The following HCN1 variants were observed in gnomAD, a reference collection of about 807,000 sequenced individuals.
HCN1 encodes potassium/sodium hyperpolarization-activated cyclic nucleotide-gated channel 1.
In HCN1, 13 loss-of-function variants were observed where a neutral mutation model predicts 78.9. The observed-to-expected ratio is 0.16, with a 90% CI of 0.11 to 0.26. HCN1 has a LOEUF of 0.26. Among genes scored for constraint, HCN1 ranks in the 10% least tolerant of loss-of-function variants. The probability of loss-of-function intolerance (pLI) is 1.00; values close to 1 mark genes in which losing one functional copy is unlikely to be tolerated. For missense variants in HCN1, 810 were observed against 1,154.3 expected (o/e 0.70, Z 4.32); for synonymous variants, 552 against 455.5 (o/e 1.21, Z -2.70).
intron 2 of HCN1, among the ~76,000 whole-genome samples, chr5:45,597,326 T>A (rs189809915): frequency 4.6e-5 from 7 of 152,262 alleles, no homozygotes; most frequent in Non-Finnish European, 8.8e-5. Context: ...AACACATGAT[T>A]ATCTCAATAG....
Position 45,288,963 on chromosome 5 carries a change from G to A in HCN1, c.1618+14636C>T, listed in dbSNP as rs75441299. ...AACCAGCCATCTGTCCACCAGCAAT[G>A]AAGCACACAAAGTAACCGCAGGACA... is the stretch of plus-strand genomic sequence containing the variant. On this transcript the variant is annotated intron_variant, in intron 6 of 7. Transcript: ENST00000303230. 4.8e-3 allele frequency among the ~76,000 whole-genome samples: 725 copies of A among 152,122 alleles called. 3 individuals carry two copies. Among genetic ancestry groups the A allele is most frequent in the African/African-American group, 0.017 (694 of 41,512 alleles).
At chr5:45,601,474 T>C (rs955164889) in intron 2 of HCN1, among the ~76,000 whole-genome samples, 6 of 152,160 alleles carry the variant, frequency 3.9e-5, no homozygotes, top group Non-Finnish European at 7.3e-5. Flanking sequence ...AGCTAGGAGA[T>C]GACAGCTAAA....
intron 6 of HCN1, among the ~76,000 whole-genome samples, chr5:45,276,937 G>T (rs1169457187): frequency 6.6e-6 from 1 of 151,988 alleles, no homozygotes; most frequent in Non-Finnish European, 1.5e-5. Flanking sequence ...CATGATACAG[G>T]TTCAAAGAAA....
intron 2 of HCN1, among the ~76,000 whole-genome samples, chr5:45,554,492 G>A (rs558267782): frequency 6.6e-6 from 1 of 151,744 alleles, no homozygotes; most frequent in East Asian, 1.9e-4. Flanking sequence ...GTTCAGGCTT[G>A]ATCTGAGAGA....
intron 4 of HCN1, among the ~76,000 whole-genome samples, chr5:45,372,637 TTATATAAAA>T (rs879499441): frequency 0.28 from 35,915 of 129,352 alleles, 8,378 homozygotes; most frequent in African/African-American, 0.53. Flanking sequence ...ATAAAACATT[TTATATAAAA>T]ATATATAAAA....
At chr5:45,449,280 A>T (rs899878843) in intron 3 of HCN1, among the ~76,000 whole-genome samples, 1 of 152,220 alleles carries the variant, frequency 6.6e-6, no homozygotes, top group South Asian at 2.1e-4. Context: ...AGAGGAATCT[A>T]AATAATCTAG....
chr5:45,368,632 C>G (rs1359014187), intron 4 of HCN1, among the ~76,000 whole-genome samples: 1 of 151,906 alleles, frequency 6.6e-6, no homozygotes, highest in Non-Finnish European at 1.5e-5. Context: ...GCCTAATTGG[C>G]ATCTCCACTT....
intron 3 of HCN1, among the ~76,000 whole-genome samples, chr5:45,420,083 T>C (rs1031027839): frequency 3.3e-5 from 5 of 152,158 alleles, no homozygotes; most frequent in African/African-American, 7.2e-5. Flanking sequence ...AAGAAAGCCA[T>C]TTATCTTCTC....
At chr5:45,318,830 T>G (rs1040376148) in intron 5 of HCN1, among the ~76,000 whole-genome samples, 2 of 151,964 alleles carry the variant, frequency 1.3e-5, no homozygotes, top group African/African-American at 4.8e-5. Flanking sequence ...ATAGACAATT[T>G]CTCAGAAGGC....
At chr5:45,296,152 A>C (rs1561092935) in intron 6 of HCN1, among the ~76,000 whole-genome samples, 1 of 151,994 alleles carries the variant, frequency 6.6e-6, no homozygotes, top group Admixed American at 6.6e-5. Flanking sequence ...ATACTTTCTT[A>C]CTCAAGTGAG....
chr5:45,468,764 G>T (rs1741331699), intron 2 of HCN1, among the ~76,000 whole-genome samples: 1 of 151,974 alleles, frequency 6.6e-6, no homozygotes, highest in Non-Finnish European at 1.5e-5. Context: ...ATTTTTGGTA[G>T]GAAACAATGA....
At chr5:45,354,061 G>T (rs1455028221) in intron 4 of HCN1, among the ~76,000 whole-genome samples, 4 of 150,758 alleles carry the variant, frequency 2.7e-5, no homozygotes, top group Non-Finnish European at 5.9e-5. Context: ...GAGAGAGAGA[G>T]AGAGATTGTT....
At chr5:45,545,345 T>C (rs555966564) in intron 2 of HCN1, among the ~76,000 whole-genome samples, 4 of 152,214 alleles carry the variant, frequency 2.6e-5, no homozygotes, top group Non-Finnish European at 5.9e-5. Context: ...TTCTGGATAT[T>C]AGCTCTTTGT....
intron 2 of HCN1, among the ~76,000 whole-genome samples, chr5:45,503,342 C>G (rs1742229072): frequency 6.6e-6 from 1 of 151,844 alleles, no homozygotes; most frequent in African/African-American, 2.4e-5. Flanking sequence ...TCGAGAAACT[C>G]TAAAGGCAAA....
At chr5:45,369,165 T>C (rs1476645079) in intron 4 of HCN1, among the ~76,000 whole-genome samples, 1 of 152,016 alleles carries the variant, frequency 6.6e-6, no homozygotes, top group Non-Finnish European at 1.5e-5. Flanking sequence ...TCCGTAGATA[T>C]TTTTTCTTTA....
At chr5:45,562,305 A>G (rs956227630) in intron 2 of HCN1, among the ~76,000 whole-genome samples, 1 of 152,194 alleles carries the variant, frequency 6.6e-6, no homozygotes, top group African/African-American at 2.4e-5. Context: ...TTTTCCTAAC[A>G]TCTTTCTCTT....
intron 6 of HCN1, among the ~76,000 whole-genome samples, chr5:45,269,595 T>C (rs1744922942): frequency 6.6e-6 from 1 of 152,160 alleles, no homozygotes; most frequent in South Asian, 2.1e-4. Flanking sequence ...TCCTCATATT[T>C]CTCTAAATAC....
At chr5:45,372,113 AATTATATATT>A (rs1413269480) in intron 4 of HCN1, among the ~76,000 whole-genome samples, 1,520 of 59,034 alleles carry the variant, frequency 0.026, 112 homozygotes, top group African/African-American at 0.092. Flanking sequence ...TATATAATAT[AATTATATATT>A]ATATATATAA....
At chr5:45,524,771 G>T (rs1424340382) in intron 2 of HCN1, among the ~76,000 whole-genome samples, 1 of 152,096 alleles carries the variant, frequency 6.6e-6, no homozygotes, top group Admixed American at 6.6e-5. Flanking sequence ...AGACGATGGG[G>T]TTTTCTAGAT....
Sources: allele counts gnomAD v4.1 joint callset (sites outside exome capture counted in the v4.1 genomes callset), GRCh38; gene constraint gnomAD v4.1.1; transcripts MANE v1.5; gene names NCBI Gene and HGNC (gene_info 2026-07-23, HGNC 2026-07-21).